The following DIAPH2 variants were observed in gnomAD, a reference collection of about 807,000 sequenced individuals.
DIAPH2 encodes diaphanous related formin 2, also known as protein diaphanous homolog 2.
In DIAPH2, 35 loss-of-function variants were observed where a neutral mutation model predicts 92.7. The ratio of observed to expected loss-of-function variants is 0.38; its 90% CI spans 0.29 to 0.50. The LOEUF is 0.50. Among genes scored for constraint, DIAPH2 ranks in the 20% least tolerant of loss-of-function variants. The pLI, the probability that DIAPH2 is intolerant of heterozygous loss-of-function variation, is 0.94. For synonymous variants in DIAPH2, 301 were observed against 280.4 expected, an observed-to-expected ratio of 1.07 and a Z score of -0.73; for missense variants, 701 against 819.5, an observed-to-expected ratio of 0.86 and a Z score of 1.77.
intron 4 of DIAPH2, among the ~76,000 whole-genome samples, chrX:96,844,006 G>A (rs1302982966): frequency 8.9e-6 from 1 of 112,036 alleles, no homozygotes; most frequent in Non-Finnish European, 1.9e-5. Flanking sequence ...CACCCTATGT[G>A]GTAGGTTACC....
intron 17 of DIAPH2, among the ~76,000 whole-genome samples, chrX:97,014,617 C>T (rs896172918): frequency 8.9e-6 from 1 of 112,017 alleles, no homozygotes; most frequent in Non-Finnish European, 1.9e-5. Context: ...CAGAAACTGC[C>T]TGTGAGAGAC....
chrX:96,974,746 G>T (rs2065949918), intron 17 of DIAPH2, among the ~76,000 whole-genome samples: 1 of 111,107 alleles, frequency 9.0e-6, no homozygotes, highest in Admixed American at 9.6e-5. Context: ...GAATCATCAA[G>T]GCTAGAATGG....
intron 5 of DIAPH2, among the ~76,000 whole-genome samples, chrX:96,901,207 G>T (rs2065391334): frequency 9.1e-6 from 1 of 110,168 alleles, no homozygotes; most frequent in Admixed American, 9.7e-5. Context: ...TATGTTTCCA[G>T]GAATTTATCC....
chrX:97,471,969 C>T (rs929390343), intron 26 of DIAPH2, among the ~76,000 whole-genome samples: 2 of 111,525 alleles, frequency 1.8e-5, no homozygotes, highest in African/African-American at 6.5e-5. Context: ...ATCCTGCATG[C>T]TATTTCCTTA....
chrX:97,153,403 T>C (rs1395073635), intron 22 of DIAPH2, among the ~76,000 whole-genome samples: 2 of 110,238 alleles, frequency 1.8e-5, no homozygotes, highest in African/African-American at 6.6e-5. Context: ...GCCAACATGG[T>C]GAAACCTCGT....
In DIAPH2 at chrX:97,239,834, A is replaced by ATCTCTCTCTC. The variant is rs370959933; in HGVS notation, c.2720-7865_2720-7856dup. ...CATCACCCTGCAACCTCTAGTAAAA[A>ATCTCTCTCTC]TCTCTCTCTCTCTCTCTCTCTCTCT... On this transcript the variant is annotated intron_variant, in intron 22 of 26. Transcript: ENST00000324765. 3.7e-3 allele frequency among the ~76,000 whole-genome samples: 359 copies of ATCTCTCTCTC among 98,127 alleles called. 2 individuals are homozygous for ATCTCTCTCTC. The highest frequency in any genetic ancestry group is 4.7e-3 in the Non-Finnish European group (227 of 48,691). 85.2% of individuals were successfully genotyped at this position (98,127 alleles called of 115,157 possible). A position where few individuals can be genotyped will look rare whatever the true frequency, so the allele number is the denominator to read the frequency against.
intron 26 of DIAPH2, among the ~76,000 whole-genome samples, chrX:97,553,059 A>G (rs1039686559): frequency 3.7e-4 from 42 of 112,132 alleles, no homozygotes; most frequent in Non-Finnish European, 4.3e-4. Context: ...GAGGTACTGC[A>G]GGTTAGGACT....
At chrX:97,540,768 T>C (rs1412945238) in intron 26 of DIAPH2, among the ~76,000 whole-genome samples, 1 of 112,049 alleles carries the variant, frequency 8.9e-6, no homozygotes, top group Non-Finnish European at 1.9e-5. Context: ...TGACAAATAA[T>C]AATGAGCTAT....
chrX:96,837,699 C>T (rs2064908633), intron 4 of DIAPH2, among the ~76,000 whole-genome samples: 1 of 111,072 alleles, frequency 9.0e-6, no homozygotes, highest in Admixed American at 9.7e-5. Context: ...AACGTTTATG[C>T]CACTTTCAGG....
At chrX:97,122,117 C>T (rs747559042) in intron 21 of DIAPH2, among the ~76,000 whole-genome samples, 1 of 111,551 alleles carries the variant, frequency 9.0e-6, no homozygotes, top group African/African-American at 3.2e-5. Flanking sequence ...TTCAAGGAAG[C>T]ATTATAGAAC....
chrX:97,164,717 G>A (rs2067399315), intron 22 of DIAPH2, among the ~76,000 whole-genome samples: 1 of 112,070 alleles, frequency 8.9e-6, no homozygotes, highest in African/African-American at 3.2e-5. Flanking sequence ...TTGGTGTTCA[G>A]AAATAAATTA....
intron 4 of DIAPH2, among the ~76,000 whole-genome samples, chrX:96,800,974 A>C (rs971603666): frequency 7.1e-5 from 8 of 112,483 alleles, no homozygotes; most frequent in Non-Finnish European, 1.5e-4. Flanking sequence ...TATCAAAGCC[A>C]TACAGAAGAT....
At chrX:97,032,332 A>G (rs1283788159) in intron 17 of DIAPH2, among the ~76,000 whole-genome samples, 1 of 111,409 alleles carries the variant, frequency 9.0e-6, no homozygotes, top group Non-Finnish European at 1.9e-5. Context: ...AGAGCTTTGT[A>G]CATATTCTAT....
intron 17 of DIAPH2, among the ~76,000 whole-genome samples, chrX:97,040,813 C>A (rs1461920082): frequency 9.1e-6 from 1 of 110,480 alleles, no homozygotes; most frequent in Non-Finnish European, 1.9e-5. Flanking sequence ...TTTAAATAGA[C>A]TATTTTGTAG....
chrX:96,997,141 C>A (rs190535165), intron 17 of DIAPH2, among the ~76,000 whole-genome samples: 108 of 111,550 alleles, frequency 9.7e-4, no homozygotes, highest in Non-Finnish European at 1.2e-3. Context: ...TAAAAAAAAT[C>A]TTGGGATTAT....
At chrX:97,501,160 T>A (rs750449025) in intron 26 of DIAPH2, among the ~76,000 whole-genome samples, 81 of 110,165 alleles carry the variant, frequency 7.4e-4, no homozygotes, top group Non-Finnish European at 1.4e-3. Context: ...ATTTGAGTAC[T>A]CTTTTTACGT....
chrX:96,891,485 T>C (rs2065306668), intron 5 of DIAPH2, among the ~76,000 whole-genome samples: 1 of 111,916 alleles, frequency 8.9e-6, no homozygotes, highest in African/African-American at 3.2e-5. Context: ...TTTACTAAAG[T>C]TTATGAAAGG....
intron 5 of DIAPH2, among the ~76,000 whole-genome samples, chrX:96,898,569 G>A (rs1235460331): frequency 1.9e-5 from 2 of 103,852 alleles, no homozygotes; most frequent in Non-Finnish European, 4.0e-5. Context: ...TTTTTGATGG[G>A]GTTGTTTGTT....
rs900692255 is a variant in DIAPH2 at position 97,602,304 on chromosome X, C to T, written c.*2987C>T. The T allele has an allele frequency of 8.9e-6, 1 of 112,211 alleles. No individual in the cohort carries two copies. Among genetic ancestry groups the T allele is most frequent in the African/African-American group, 3.2e-5 (1 of 30,860 alleles). The allele number at this position is 112,211 out of a possible 1,213,427, so 9.2% of individuals were successfully genotyped here. ...GTCCAAAATTTCATTCAAATATCAT[C>T]GGTTCAAAAGTTCCAAAGCTTATCA... On this transcript the variant is annotated 3_prime_UTR_variant, in exon 27 of 27. Transcript: ENST00000324765.
Sources: gnomAD v4.1 joint callset for allele counts (sites outside exome capture counted in the v4.1 genomes callset) on GRCh38, gnomAD v4.1.1 for gene constraint, MANE v1.5 for transcripts, NCBI Gene and HGNC (gene_info 2026-07-23, HGNC 2026-07-21) for gene names.